ACBD6: variants seen among roughly 807,000 people sequenced by gnomAD.
The protein encoded by ACBD6 is acyl-CoA binding domain containing 6.
In ACBD6, 28 loss-of-function variants were observed where a neutral mutation model predicts 37.2. The observed-to-expected ratio is 0.75, with a 90% CI of 0.56 to 1.03. The LOEUF (loss-of-function observed/expected upper bound fraction) is 1.03. ACBD6 is among the 50% of genes least tolerant of loss of function. The pLI, the probability that ACBD6 is intolerant of heterozygous loss-of-function variation, is 0.00. For synonymous variants in ACBD6, 113 were observed against 126.8 expected (o/e 0.89, Z 0.73); for missense variants, 340 against 337.4 (o/e 1.01, Z -0.06).
At chr1:180,377,966 A>ATAATAATAC (rs1182554087) in intron 6 of ACBD6, among the ~76,000 whole-genome samples, 1 of 149,490 alleles carries the variant, frequency 6.7e-6, no homozygotes, top group Admixed American at 6.7e-5. Context: ...AATAATAATA[A>ATAATAATAC]TAATAATAAT....
At chr1:180,449,158 A>G (rs1423486201) in intron 3 of ACBD6, among the ~76,000 whole-genome samples, 1 of 152,184 alleles carries the variant, frequency 6.6e-6, no homozygotes, top group African/African-American at 2.4e-5. Context: ...TTCATGAAAG[A>G]GAGATTTAGA....
chr1:180,350,179 T>C (rs944663281), intron 6 of ACBD6, among the ~76,000 whole-genome samples: 9 of 151,980 alleles, frequency 5.9e-5, no homozygotes, highest in Admixed American at 5.9e-4. Flanking sequence ...ATGCAGGCCA[T>C]TATGCCTGGC....
chr1:180,434,887 C>A, intron 3 of ACBD6: 1 of 768,082 alleles, frequency 1.3e-6, no homozygotes, highest in East Asian at 2.5e-5. Context: ...GATTTGAAAA[C>A]AAAATCTGAG....
intron 6 of ACBD6, among the ~76,000 whole-genome samples, chr1:180,340,485 TTAGAG>T (rs1651936942): frequency 6.6e-6 from 1 of 151,782 alleles, no homozygotes. Flanking sequence ...AAAGAAGGAA[TTAGAG>T]TATAAAGAAC....
At chr1:180,494,191 C>T (rs948239681) in intron 2 of ACBD6, among the ~76,000 whole-genome samples, 2 of 152,036 alleles carry the variant, frequency 1.3e-5, no homozygotes, top group East Asian at 1.9e-4. Context: ...CTAACAGTTC[C>T]CCAATATTTT....
At chr1:180,279,415 G>A (rs1226160034) in intron 9 of ACBD6, among the ~76,000 whole-genome samples, 2 of 152,256 alleles carry the variant, frequency 1.3e-5, no homozygotes, top group East Asian at 1.9e-4. Context: ...TCGTGCCTCA[G>A]CCTCCAGAGT....
At chr1:180,305,101 A>G (rs956104334) in intron 7 of ACBD6, among the ~76,000 whole-genome samples, 1 of 152,236 alleles carries the variant, frequency 6.6e-6, no homozygotes, top group African/African-American at 2.4e-5. Flanking sequence ...AATTAATTCA[A>G]GATGGATTAA....
chr1:180,459,377 A>G (rs1650043950), intron 3 of ACBD6, among the ~76,000 whole-genome samples: 1 of 152,192 alleles, frequency 6.6e-6, no homozygotes, highest in Non-Finnish European at 1.5e-5. Flanking sequence ...AGCAGCCCAT[A>G]AAGCCATAGA....
intron 6 of ACBD6, among the ~76,000 whole-genome samples, chr1:180,344,085 G>T (rs893867594): frequency 6.6e-5 from 10 of 152,154 alleles, no homozygotes; most frequent in African/African-American, 2.4e-4. Flanking sequence ...AGAAAGCAAT[G>T]AAAGGCCTGT....
chr1:180,329,019 A>C (rs1475079495), intron 6 of ACBD6, among the ~76,000 whole-genome samples: 1 of 152,194 alleles, frequency 6.6e-6, no homozygotes, highest in African/African-American at 2.4e-5. Context: ...GCATCCAAAA[A>C]TTAAAAACAT....
chr1:180,426,648 T>C (rs906763273), intron 4 of ACBD6, among the ~76,000 whole-genome samples: 1 of 152,224 alleles, frequency 6.6e-6, no homozygotes, highest in Non-Finnish European at 1.5e-5. Flanking sequence ...GAATGCCATG[T>C]TATTGTAGCT....
intron 7 of ACBD6, among the ~76,000 whole-genome samples, chr1:180,305,851 C>A (rs1230606559): frequency 6.6e-6 from 1 of 151,994 alleles, no homozygotes; most frequent in Non-Finnish European, 1.5e-5. Context: ...TGGAACCAAC[C>A]CAAATGTGCA....
chr1:180,374,925 G>GA (rs1297842123), intron 6 of ACBD6, among the ~76,000 whole-genome samples: 43 of 151,974 alleles, frequency 2.8e-4, no homozygotes, highest in Admixed American at 2.2e-3. Flanking sequence ...ACCTATATGA[G>GA]AAAAAAATGT....
intron 5 of ACBD6, among the ~76,000 whole-genome samples, chr1:180,406,291 C>T (rs1282437495): frequency 6.6e-6 from 1 of 152,050 alleles, no homozygotes; most frequent in Non-Finnish European, 1.5e-5. Context: ...GATGGCCCCT[C>T]CTTAATCCAA....
At chr1:180,420,840 G>A (rs750346720) in intron 4 of ACBD6, among the ~76,000 whole-genome samples, 1 of 152,042 alleles carries the variant, frequency 6.6e-6, no homozygotes, top group African/African-American at 2.4e-5. Context: ...TCATAAACCC[G>A]CCTGAATTTG....
intron 3 of ACBD6, among the ~76,000 whole-genome samples, chr1:180,480,640 A>G (rs1381376729): frequency 1.3e-5 from 2 of 152,210 alleles, no homozygotes; most frequent in African/African-American, 4.8e-5. Context: ...CAAAGCCAAA[A>G]AGGCAGAGTT....
At chr1:180,283,655 G>T (rs1649381409), downstream of ACBD6, among the ~76,000 whole-genome samples, 1 of 152,072 alleles carries the variant, frequency 6.6e-6, no homozygotes, top group Non-Finnish European at 1.5e-5. Flanking sequence ...TGAAAAATGT[G>T]AAATAATTAC....
At chr1:180,437,319 G>A (rs1205012112) in intron 3 of ACBD6, among the ~76,000 whole-genome samples, 1 of 152,150 alleles carries the variant, frequency 6.6e-6, no homozygotes, top group Non-Finnish European at 1.5e-5. Flanking sequence ...GTCAAGGGGT[G>A]GGAGGCAGTC....
chr1:180,482,160 T>C (rs1651077107), intron 3 of ACBD6, among the ~76,000 whole-genome samples: 1 of 152,154 alleles, frequency 6.6e-6, no homozygotes, highest in Non-Finnish European at 1.5e-5. Context: ...TTATAAAAAT[T>C]ATGACTGCCT....
Sources: allele counts gnomAD v4.1 joint callset (sites outside exome capture counted in the v4.1 genomes callset), GRCh38; gene constraint gnomAD v4.1.1; transcripts MANE v1.5; gene names NCBI Gene and HGNC (gene_info 2026-07-23, HGNC 2026-07-21).